The following MCCC2 variants were observed in gnomAD, a reference collection of about 807,000 sequenced individuals.
MCCC2 encodes methylcrotonoyl-CoA carboxylase beta chain, mitochondrial.
In MCCC2, 52 loss-of-function variants were observed where a neutral mutation model predicts 77.2. The ratio of observed to expected loss-of-function variants is 0.67; its 90% CI spans 0.54 to 0.85. MCCC2 has a LOEUF of 0.85. MCCC2 is among the 40% of genes least tolerant of loss of function. MCCC2 has a pLI of 0.00. For synonymous variants in MCCC2, 253 were observed against 248.4 expected, an observed-to-expected ratio of 1.02 and a Z score of -0.18; for missense variants, 682 against 703.2, an observed-to-expected ratio of 0.97 and a Z score of 0.34.
chr5:71,610,046 G>C (rs867507364), intron 6 of MCCC2, among the ~76,000 whole-genome samples: 133 of 152,348 alleles, frequency 8.7e-4, no homozygotes, highest in Non-Finnish European at 1.6e-3. Flanking sequence ...GCCCCCAGAG[G>C]GGAGCCTACA....
intron 6 of MCCC2, among the ~76,000 whole-genome samples, chr5:71,610,699 G>T (rs1376866361): frequency 6.6e-6 from 1 of 152,162 alleles, no homozygotes; most frequent in African/African-American, 2.4e-5. Context: ...ATTAAAACAG[G>T]TTTTAGGCCA....
intron 8 of MCCC2, among the ~76,000 whole-genome samples, chr5:71,634,542 C>T (rs190781805): frequency 9.2e-5 from 14 of 152,276 alleles, no homozygotes; most frequent in Admixed American, 2.0e-4. Context: ...GAAAGTGTGC[C>T]GTCTGTGGTT....
chr5:71,620,658 G>T (rs1302831352), intron 6 of MCCC2, among the ~76,000 whole-genome samples: 1 of 152,172 alleles, frequency 6.6e-6, no homozygotes, highest in Non-Finnish European at 1.5e-5. Context: ...GTTTAGGCAA[G>T]ACCTAGAGGG....
intron 4 of MCCC2, among the ~76,000 whole-genome samples, chr5:71,601,586 A>G (rs539409359): frequency 6.6e-6 from 1 of 152,202 alleles, no homozygotes; most frequent in South Asian, 2.1e-4. Flanking sequence ...TGCTGGCCAC[A>G]TATCCTAGTA....
intron 6 of MCCC2, among the ~76,000 whole-genome samples, chr5:71,620,887 T>C (rs923798260): frequency 7.9e-5 from 12 of 152,180 alleles, no homozygotes; most frequent in African/African-American, 2.4e-4. Flanking sequence ...TTTGTTCCTG[T>C]CACAGAGCAG....
chr5:71,589,986 G>T (rs555564960), intron 1 of MCCC2, among the ~76,000 whole-genome samples: 1 of 152,236 alleles, frequency 6.6e-6, no homozygotes, highest in East Asian at 1.9e-4. Flanking sequence ...TGAAAAGATG[G>T]GGTGGGAAAC....
intron 6 of MCCC2, among the ~76,000 whole-genome samples, chr5:71,618,833 T>C (rs1188299713): frequency 6.6e-6 from 1 of 152,212 alleles, no homozygotes; most frequent in East Asian, 1.9e-4. Flanking sequence ...TCATGTGTGT[T>C]TTCTTTAGGT....
intron 6 of MCCC2, among the ~76,000 whole-genome samples, chr5:71,611,237 CA>C (rs1227449843): frequency 6.6e-6 from 1 of 151,762 alleles, no homozygotes. Flanking sequence ...CCTGTCTCTA[CA>C]AAAAAATAAA....
chr5:71,599,847 G>A (rs970292803), intron 4 of MCCC2, 87 bp downstream of exon 4: 107 of 1,053,052 alleles, frequency 1.0e-4, no homozygotes, highest in Non-Finnish European at 1.3e-4. Flanking sequence ...TTGCATATTA[G>A]CATGCGATTT....
chr5:71,656,083 C>T (rs555917698), intron 16 of MCCC2, among the ~76,000 whole-genome samples: 112 of 152,282 alleles, frequency 7.4e-4, no homozygotes, highest in African/African-American at 2.3e-3. Flanking sequence ...AGTGTGGTAG[C>T]GCACTCCTGT....
chr5:71,635,131 C>T lies in MCCC2; in HGVS notation c.904-20C>T, dbSNP rs1372217936. On this transcript the variant is annotated intron_variant, in intron 9 of 16. Transcript: ENST00000340941. Reference sequence around the variant, plus strand: ...GAAATCATGTCTTTAAACAGGTTAACATGATCTATATTTCTGCAGGTCACC... The same window carrying T: ...GAAATCATGTCTTTAAACAGGTTAATATGATCTATATTTCTGCAGGTCACC... 6.2e-6 allele frequency: 10 copies of T among 1,613,572 alleles called. No homozygotes were observed. In the South Asian group the frequency reaches 1.1e-4, roughly 18 times the overall value.
chr5:71,649,023 T>C lies in MCCC2; in HGVS notation c.1217-74T>C, dbSNP rs900298944. 5.2e-6 allele frequency: 8 copies of C among 1,536,958 alleles called. No homozygotes were observed. In the African/African-American group the frequency reaches 9.5e-5, roughly 18 times the overall value. ...GTAAGATGAGTTTAGTAAAACAAGATGTCCTTTTGGTGGAATTGCGTTCCG... is the reference window on the plus strand; with the variant it reads ...GTAAGATGAGTTTAGTAAAACAAGACGTCCTTTTGGTGGAATTGCGTTCCG... On this transcript the variant is annotated intron_variant, in intron 13 of 16. Coordinates refer to ENST00000340941, the MANE Select transcript of MCCC2 (RefSeq NM_022132.5).
At chr5:71,642,100 A>AC (rs1183798001) in intron 11 of MCCC2, among the ~76,000 whole-genome samples, 1 of 152,172 alleles carries the variant, frequency 6.6e-6, no homozygotes, top group Non-Finnish European at 1.5e-5. Context: ...TTTGCCTCCT[A>AC]CTTGCTAAAA....
chr5:71,624,436 G>A (rs1041508984), intron 6 of MCCC2, among the ~76,000 whole-genome samples: 10 of 152,064 alleles, frequency 6.6e-5, no homozygotes, highest in South Asian at 4.1e-4. Context: ...GGAGTGCAAT[G>A]GTGTGATCTC....
At chr5:71,638,314 A>G (rs115707119) in intron 10 of MCCC2, among the ~76,000 whole-genome samples, 3,914 of 152,230 alleles carry the variant, frequency 0.026, 204 homozygotes, top group African/African-American at 0.09. Context: ...GAACCCCTCA[A>G]AGTTACCCAT....
At chr5:71,654,797 T>C (rs1426862330) in intron 16 of MCCC2, among the ~76,000 whole-genome samples, 1 of 151,918 alleles carries the variant, frequency 6.6e-6, no homozygotes, top group Non-Finnish European at 1.5e-5. Context: ...TCTTTGGAAA[T>C]AAATGTTAAC....
chr5:71,644,032 C>CCTGTGTGTGT, intron 12 of MCCC2, 137 bp downstream of exon 12: 1 of 538,728 alleles, frequency 1.9e-6, no homozygotes. Flanking sequence ...TGTGCGCGGG[C>CCTGTGTGTGT]ATGTGTGTGT....
At chr5:71,613,872 T>C (rs555649941) in intron 6 of MCCC2, among the ~76,000 whole-genome samples, 36 of 151,964 alleles carry the variant, frequency 2.4e-4, no homozygotes, top group Non-Finnish European at 4.0e-4. Context: ...TTAGGGCTCA[T>C]ATATTCAGGA....
chr5:71,594,511 G>C (rs1021449234), intron 2 of MCCC2, among the ~76,000 whole-genome samples: 2 of 140,012 alleles, frequency 1.4e-5, no homozygotes, highest in African/African-American at 2.6e-5. Flanking sequence ...CTGGGTAACA[G>C]AGCGAAATTC....
Sources: allele counts gnomAD v4.1 joint callset (sites outside exome capture counted in the v4.1 genomes callset), GRCh38; gene constraint gnomAD v4.1.1; transcripts MANE v1.5; gene names NCBI Gene and HGNC (gene_info 2026-07-23, HGNC 2026-07-21).